Variants in PCDHGA6 observed in about 807,000 individuals in gnomAD.
PCDHGA6 encodes the protein protocadherin gamma-A6.
A neutral mutation model predicts 60.6 loss-of-function variants in PCDHGA6; 41 were observed. The ratio of observed to expected loss-of-function variants is 0.68; its 90% CI spans 0.53 to 0.88. PCDHGA6 has a LOEUF of 0.88. PCDHGA6 is among the 40% of genes least tolerant of loss of function. PCDHGA6 has a pLI of 0.00. For synonymous variants in PCDHGA6, 594 were observed against 524.4 expected (o/e 1.13, Z -1.81); for missense variants, 1,312 against 1,203.0 (o/e 1.09, Z -1.34).
chr5:141,441,811 C>A (rs1007948586), intron 1 of PCDHGA6: 2 of 370,710 alleles, frequency 5.4e-6, no homozygotes, highest in African/African-American at 2.2e-5. Flanking sequence ...GTGCTGTACC[C>A]CAGCTCTGGA....
Position 141,487,810 on chromosome 5 carries a change from C to T in PCDHGA6, c.2425-6997C>T. 7.1e-7 allele frequency: 1 copy of T among 1,417,854 alleles called. No homozygotes were observed. 87.8% of individuals were successfully genotyped at this position (1,417,854 alleles called of 1,614,324 possible). ...ATTAACCAGAGTTGTCACAGTTTAG[C>T]ATTGGGGGCGGGTCATGCCTATATC... is the stretch of plus-strand genomic sequence containing the variant. On this transcript the variant is annotated intron_variant, in intron 1 of 3. Coordinates refer to ENST00000517434, the MANE Select transcript of PCDHGA6 (RefSeq NM_018919.3). This position sits in a 1 kb window ranked among gnomAD's most constrained non-coding sequence, Gnocchi z 5.0.
At chr5:141,410,418 T>C (rs2095390746) in intron 1 of PCDHGA6, 26 of 1,614,052 alleles carry the variant, frequency 1.6e-5, no homozygotes, top group Non-Finnish European at 2.2e-5. Context: ...GGACCTGTAG[T>C]TCCCCCCAAC....
At chr5:141,418,308 T>G in intron 1 of PCDHGA6, 6 of 1,613,946 alleles carry the variant, frequency 3.7e-6, no homozygotes, top group Non-Finnish European at 5.1e-6. Flanking sequence ...AGCCTGGGGA[T>G]GGGAACAATT....
intron 1 of PCDHGA6, among the ~76,000 whole-genome samples, chr5:141,458,719 G>A (rs891521416): frequency 5.9e-5 from 9 of 151,684 alleles, no homozygotes; most frequent in Non-Finnish European, 1.2e-4. Context: ...ACAGGTATTC[G>A]CCACCACATC....
chr5:141,400,314 C>G (rs764415393), intron 1 of PCDHGA6: 1 of 1,614,078 alleles, frequency 6.2e-7, no homozygotes, highest in Non-Finnish European at 8.5e-7. Flanking sequence ...GTCTCTGTGT[C>G]AAGTCTGGAC....
intron 1 of PCDHGA6, among the ~76,000 whole-genome samples, chr5:141,435,568 A>C (rs564789030): frequency 8.7e-4 from 132 of 152,274 alleles, no homozygotes; most frequent in Middle Eastern, 6.8e-3. Context: ...TTTTTTTAGT[A>C]CTGGGGCAAA....
intron 1 of PCDHGA6, chr5:141,422,227 A>G: frequency 6.4e-7 from 1 of 1,566,716 alleles, no homozygotes; most frequent in Non-Finnish European, 8.6e-7. Context: ...CACCACGACG[A>G]TGTTGATCAC....
intron 1 of PCDHGA6, chr5:141,395,894 C>T (rs768471284): frequency 6.6e-6 from 1 of 152,020 alleles, no homozygotes; most frequent in Non-Finnish European, 1.5e-5. Flanking sequence ...CACCTGGGCT[C>T]CATGCCCATG....
At chr5:141,427,765 T>C (rs1331334394) in intron 1 of PCDHGA6, 3 of 1,387,170 alleles carry the variant, frequency 2.2e-6, no homozygotes, top group Non-Finnish European at 2.0e-6. Context: ...ACCACTGACT[T>C]GGAGCTGCGG....
chr5:141,399,038 A>G (rs1228007346), intron 1 of PCDHGA6: 2 of 1,613,854 alleles, frequency 1.2e-6, no homozygotes, highest in South Asian at 2.2e-5. Context: ...AAGAAACTGG[A>G]TTTTGAAGAG....
Position 141,374,815 on chromosome 5 carries a change from G to T in PCDHGA6, c.732G>T (p.Gln244His). 6.2e-7 allele frequency: 1 copy of T among 1,613,934 alleles called. No individual in the cohort carries two copies. The highest frequency in any genetic ancestry group is 8.5e-7 in the Non-Finnish European group (1 of 1,179,890). ...DVNDNTPMFT[Q>H]PVYRVSVPEN... ...ATGACAACACTCCAATGTTTACTCA[G>T]CCTGTCTACCGTGTAAGTGTTCCTG... Residue 244 changes from glutamine (Q) to histidine (H), a missense_variant, in exon 1 of 4, where the codon CAG (glutamine) becomes CAT (histidine). By Grantham distance (24) the Gln-to-His change is conservative (BLOSUM62 0). Coordinates refer to ENST00000517434, the MANE Select transcript of PCDHGA6 (RefSeq NM_018919.3).
intron 3 of PCDHGA6, among the ~76,000 whole-genome samples, chr5:141,508,533 C>A (rs1396219805): frequency 6.6e-6 from 1 of 152,160 alleles, no homozygotes; most frequent in Non-Finnish European, 1.5e-5. Flanking sequence ...CAGGGCACCC[C>A]CCACGAGGTG....
chr5:141,463,532 T>C (rs1237301892), intron 1 of PCDHGA6, among the ~76,000 whole-genome samples: 2 of 133,692 alleles, frequency 1.5e-5, no homozygotes, highest in Non-Finnish European at 3.1e-5. Flanking sequence ...TACTAGAAAC[T>C]CCGGCTCCCG....
intron 1 of PCDHGA6, chr5:141,394,476 C>T (rs763209018): frequency 3.8e-5 from 61 of 1,614,238 alleles, no homozygotes; most frequent in Admixed American, 1.7e-4. Flanking sequence ...CGTGCTGGAC[C>T]AGAATGACAA....
At chr5:141,417,997 G>T in intron 1 of PCDHGA6, 1 of 1,613,872 alleles carries the variant, frequency 6.2e-7, no homozygotes, top group Non-Finnish European at 8.5e-7. Context: ...AGGGCTCGGT[G>T]GTGGGGAACC....
At chr5:141,460,596 C>G (rs930441447) in intron 1 of PCDHGA6, among the ~76,000 whole-genome samples, 2 of 151,986 alleles carry the variant, frequency 1.3e-5, no homozygotes, top group Non-Finnish European at 2.9e-5. Flanking sequence ...TTTCTGGGCT[C>G]TCTGTGTTAG....
intron 1 of PCDHGA6, chr5:141,414,738 C>A: frequency 6.2e-7 from 1 of 1,614,238 alleles, no homozygotes; most frequent in Non-Finnish European, 8.5e-7. Context: ...TGTATGCACT[C>A]AGATCCTTCG....
At position 141,409,348 on chromosome 5, in the gene PCDHGA6, C is replaced by T. The variant is rs115471135; in HGVS notation, c.2424+32841C>T. The T allele has an allele frequency of 4.7e-4, 755 of 1,614,018 alleles. 4 individuals carry two copies. The African/African-American group carries it at 8.3e-3, about 18-fold the overall frequency. On this transcript the variant is annotated intron_variant, in intron 1 of 3. Coordinates refer to ENST00000517434, the MANE Select transcript of PCDHGA6 (RefSeq NM_018919.3). Reference sequence around the variant, plus strand: ...TGGATTTCGGAGGAAATGGAGAAGTCAGGTGTAATATAGAAACAGACATTC... The same window carrying T: ...TGGATTTCGGAGGAAATGGAGAAGTTAGGTGTAATATAGAAACAGACATTC...
Position 141,415,384 on chromosome 5 carries a change from A to G in PCDHGA6, c.2424+38877A>G, listed in dbSNP as rs767664633. ...GCTGCAGGCTTCAGGAGGCGGCTTG[A>G]CAGGTGTGTCCGGCTCGCACTTTGT... On this transcript the variant is annotated intron_variant, in intron 1 of 3. Coordinates refer to ENST00000517434, the MANE Select transcript of PCDHGA6 (RefSeq NM_018919.3). 9.3e-6 allele frequency: 15 copies of G among 1,614,156 alleles called. No homozygotes were observed. The East Asian group carries it at 2.2e-4, about 24-fold the overall frequency.
Sources: allele counts gnomAD v4.1 joint callset (sites outside exome capture counted in the v4.1 genomes callset), GRCh38; gene constraint gnomAD v4.1.1; non-coding constraint Gnocchi (gnomAD v3.1); transcripts MANE v1.5; gene names NCBI Gene and HGNC (gene_info 2026-07-23, HGNC 2026-07-21).